The following BBX variants were observed in gnomAD, a reference collection of about 807,000 sequenced individuals.
The protein encoded by BBX is HMG box transcription factor BBX.
A neutral mutation model predicts 100.2 loss-of-function variants in BBX; 30 were observed. The observed-to-expected ratio is 0.30, with a 90% CI of 0.22 to 0.41. The LOEUF is 0.41. Among genes scored for constraint, BBX ranks in the 10% least tolerant of loss-of-function variants. The pLI is 1.00. For missense variants in BBX, 1,023 were observed against 1,129.8 expected (o/e 0.91, Z 1.35); for synonymous variants, 376 against 388.1 (o/e 0.97, Z 0.37).
At position 107,752,621 on chromosome 3, in the gene BBX, T is replaced by C. The variant is rs1288351859; in HGVS notation, c.826-2977T>C. Among the ~76,000 whole-genome samples, 3 of 152,208 alleles carry C rather than the reference T, an allele frequency of 2.0e-5. No individual in the cohort carries two copies. The East Asian group carries it at 5.8e-4, about 29-fold the overall frequency. On this transcript the variant is annotated intron_variant, in intron 9 of 17. Coordinates refer to ENST00000325805, the MANE Select transcript of BBX (RefSeq NM_001142568.3). ...CAATTTAACATCCAGGGTGATCATTTTTCTTAGCACTTTAGCTGTACCTCA... is the reference window on the plus strand; with the variant it reads ...CAATTTAACATCCAGGGTGATCATTCTTCTTAGCACTTTAGCTGTACCTCA...
At chr3:107,703,478 A>G (rs906947490) in intron 3 of BBX, among the ~76,000 whole-genome samples, 2 of 152,154 alleles carry the variant, frequency 1.3e-5, no homozygotes, top group East Asian at 1.9e-4. Context: ...GGTATTAGAG[A>G]TCTTAAAACT....
At chr3:107,642,101 A>G (rs987344507) in intron 2 of BBX, among the ~76,000 whole-genome samples, 6 of 152,234 alleles carry the variant, frequency 3.9e-5, no homozygotes, top group Non-Finnish European at 2.9e-5. Flanking sequence ...CCAAAATTGC[A>G]TAACAGTTGG....
At chr3:107,578,719 A>G (rs2052022970) in intron 2 of BBX, among the ~76,000 whole-genome samples, 1 of 152,114 alleles carries the variant, frequency 6.6e-6, no homozygotes, top group South Asian at 2.1e-4. Context: ...ACTCAGCTCA[A>G]AGGGAGGTGC....
chr3:107,725,140 A>G (rs1165525944), intron 5 of BBX, among the ~76,000 whole-genome samples: 4 of 152,030 alleles, frequency 2.6e-5, no homozygotes, highest in Non-Finnish European at 4.4e-5. Flanking sequence ...TGTAAGTTGG[A>G]TTGCTAGGTA....
At chr3:107,737,233 C>A (rs1008119349) in intron 7 of BBX, among the ~76,000 whole-genome samples, 1 of 151,944 alleles carries the variant, frequency 6.6e-6, no homozygotes, top group Non-Finnish European at 1.5e-5. Flanking sequence ...ATTCAACTTG[C>A]AAGTTTAAAT....
intron 3 of BBX, among the ~76,000 whole-genome samples, chr3:107,677,800 G>A (rs994153688): frequency 1.3e-5 from 2 of 152,116 alleles, no homozygotes; most frequent in Non-Finnish European, 2.9e-5. Flanking sequence ...TTATTCTTAA[G>A]TGCATACAAA....
At chr3:107,594,007 C>G (rs919546223) in intron 2 of BBX, among the ~76,000 whole-genome samples, 5 of 152,158 alleles carry the variant, frequency 3.3e-5, no homozygotes, top group Non-Finnish European at 5.9e-5. Flanking sequence ...AAATGCTTTT[C>G]TTTGTGCTTG....
intron 3 of BBX, chr3:107,684,723 CT>C (rs1481540469): frequency 6.6e-6 from 1 of 152,156 alleles, no homozygotes; most frequent in African/African-American, 2.4e-5. Flanking sequence ...AGAAAAATGC[CT>C]TTGTAAGATC....
chr3:107,740,188 G>A (rs552148881), intron 7 of BBX, among the ~76,000 whole-genome samples: 4 of 152,042 alleles, frequency 2.6e-5, no homozygotes, highest in East Asian at 1.9e-4. Flanking sequence ...AGTGCAGTGC[G>A]TTAGTAACCA....
intron 2 of BBX, among the ~76,000 whole-genome samples, chr3:107,559,611 A>G (rs1330048980): frequency 6.6e-6 from 1 of 152,232 alleles, no homozygotes; most frequent in Non-Finnish European, 1.5e-5. Context: ...ATGCTGAACT[A>G]AAACTCAGGG....
chr3:107,730,076 C>T (rs1358408181), intron 6 of BBX, among the ~76,000 whole-genome samples: 1 of 152,100 alleles, frequency 6.6e-6, no homozygotes, highest in African/African-American at 2.4e-5. Flanking sequence ...GACAGAGCAA[C>T]ACCCTGCCTC....
chr3:107,770,207 GC>G (rs2066790224), intron 10 of BBX, among the ~76,000 whole-genome samples: 1 of 152,130 alleles, frequency 6.6e-6, no homozygotes, highest in African/African-American at 2.4e-5. Context: ...ATATATTGAA[GC>G]CTAGAATAGA....
intron 10 of BBX, among the ~76,000 whole-genome samples, chr3:107,759,812 A>T (rs1392415381): frequency 6.6e-6 from 1 of 152,210 alleles, no homozygotes; most frequent in Non-Finnish European, 1.5e-5. Context: ...AGAGTATTTT[A>T]AAGTGTGACT....
intron 16 of BBX, 114 bp downstream of exon 16, chr3:107,798,834 C>T (rs1167587253): frequency 2.8e-6 from 2 of 723,016 alleles, no homozygotes; most frequent in Admixed American, 6.7e-5. Context: ...AGCCAATGAG[C>T]TAAAAAAAAA....
intron 2 of BBX, among the ~76,000 whole-genome samples, chr3:107,618,507 A>T (rs2055473844): frequency 6.6e-6 from 1 of 152,000 alleles, no homozygotes; most frequent in South Asian, 2.1e-4. Context: ...GATGTGCATG[A>T]TGTCCTGTTT....
chr3:107,781,804 A>G (rs932504115), intron 13 of BBX, among the ~76,000 whole-genome samples: 1 of 152,114 alleles, frequency 6.6e-6, no homozygotes, highest in Admixed American at 6.6e-5. Flanking sequence ...CATACTGTTG[A>G]TCCTTCTTAT....
chr3:107,710,751 T>G (rs2061665738), intron 4 of BBX, 129 bp downstream of exon 4: 4 of 820,572 alleles, frequency 4.9e-6, no homozygotes, highest in Admixed American at 3.2e-5. Flanking sequence ...CCTATTCAAT[T>G]ACTTAGTTTA....
chr3:107,764,793 T>A (rs2066238685), intron 10 of BBX, among the ~76,000 whole-genome samples: 1 of 152,214 alleles, frequency 6.6e-6, no homozygotes, highest in Non-Finnish European at 1.5e-5. Flanking sequence ...AGCCATTAAT[T>A]CTGTTTCCCA....
chr3:107,803,377 C>CT (rs764370782), intron 17 of BBX, among the ~76,000 whole-genome samples: 1 of 152,110 alleles, frequency 6.6e-6, no homozygotes, highest in Non-Finnish European at 1.5e-5. Flanking sequence ...AGGCTTCTAC[C>CT]TGTAGGCTCA....
Sources: gnomAD v4.1 joint callset for allele counts (sites outside exome capture counted in the v4.1 genomes callset) on GRCh38, gnomAD v4.1.1 for gene constraint, MANE v1.5 for transcripts, NCBI Gene and HGNC (gene_info 2026-07-23, HGNC 2026-07-21) for gene names.